The following DPYSL3 variants were observed in gnomAD, a reference collection of about 807,000 sequenced individuals.
The protein encoded by DPYSL3 is dihydropyrimidinase-related protein 3.
Under a neutral mutation model 66.1 loss-of-function variants are expected in DPYSL3, and 16 were observed. That is an observed-to-expected ratio of 0.24 (90% confidence interval 0.16 to 0.37). The LOEUF (loss-of-function observed/expected upper bound fraction) is 0.37, where lower values mean the gene tolerates loss of function less well. Among genes scored for constraint, DPYSL3 ranks in the 10% least tolerant of loss-of-function variants. The pLI is 1.00. For synonymous variants in DPYSL3, 338 were observed against 345.1 expected (o/e 0.98, Z 0.23); for missense variants, 738 against 916.2 (o/e 0.81, Z 2.51).
At chr5:147,415,084 TAAG>T (rs773524068) in intron 4 of DPYSL3, among the ~76,000 whole-genome samples, 1 of 152,122 alleles carries the variant, frequency 6.6e-6, no homozygotes, top group Non-Finnish European at 1.5e-5. Flanking sequence ...TGGAGGAATC[TAAG>T]AAGACAGTGG....
At chr5:147,425,547 C>T (rs1300972783) in intron 1 of DPYSL3, among the ~76,000 whole-genome samples, 2 of 152,168 alleles carry the variant, frequency 1.3e-5, no homozygotes, top group Non-Finnish European at 2.9e-5. Flanking sequence ...GGCAAAGTAT[C>T]TATAGTATTT....
rs188069794 is a variant in DPYSL3 at position 147,437,143 on chromosome 5, G to A, written c.382-12180C>T. ...CTTCGCCTTTCCAAGAGGCTGTGCC[G>A]TTAATGGTACCCAGCTCCCTCTTAA... On this transcript the variant is annotated intron_variant, in intron 1 of 13. Coordinates refer to ENST00000343218, the MANE Select transcript of DPYSL3 (RefSeq NM_001197294.2). Among the ~76,000 whole-genome samples the A allele has an allele frequency of 3.1e-3, 477 of 152,320 alleles. 2 individuals are homozygous for A. Among genetic ancestry groups the A allele is most frequent in the Non-Finnish European group, 4.6e-3 (315 of 68,030 alleles).
intron 1 of DPYSL3, among the ~76,000 whole-genome samples, chr5:147,433,019 T>C (rs1374516174): frequency 6.6e-6 from 1 of 152,148 alleles, no homozygotes; most frequent in African/African-American, 2.4e-5. Context: ...AAACGGAGAC[T>C]TTTTCCTTGA....
intron 1 of DPYSL3, among the ~76,000 whole-genome samples, chr5:147,447,555 G>A (rs923023554): frequency 3.1e-4 from 47 of 152,270 alleles, no homozygotes; most frequent in African/African-American, 1.0e-3. Flanking sequence ...AGTAACCAGG[G>A]AGCAGTTCGC....
intron 1 of DPYSL3, among the ~76,000 whole-genome samples, chr5:147,495,588 C>T (rs370240630): frequency 7.9e-5 from 12 of 151,984 alleles, no homozygotes; most frequent in African/African-American, 2.7e-4. Context: ...ATCACAAGCA[C>T]TCTTATACAC....
chr5:147,415,324 G>A (rs59676350), intron 4 of DPYSL3, among the ~76,000 whole-genome samples: 3,963 of 152,138 alleles, frequency 0.026, 170 homozygotes, highest in African/African-American at 0.09. Context: ...TAATCTCATA[G>A]GTCATACTAG....
intron 1 of DPYSL3, among the ~76,000 whole-genome samples, chr5:147,450,957 T>C (rs965377250): frequency 2.0e-5 from 3 of 152,200 alleles, no homozygotes; most frequent in Non-Finnish European, 4.4e-5. Context: ...GTATATGTTA[T>C]ACTTAGATCT....
At chr5:147,399,931 A>G (rs1051009664) in intron 10 of DPYSL3, among the ~76,000 whole-genome samples, 3 of 152,238 alleles carry the variant, frequency 2.0e-5, no homozygotes, top group African/African-American at 7.2e-5. Context: ...AAGCCTCTTT[A>G]CGGAAAGAAT....
intron 1 of DPYSL3, among the ~76,000 whole-genome samples, chr5:147,447,028 G>A (rs1259709793): frequency 1.3e-5 from 2 of 152,170 alleles, no homozygotes; most frequent in African/African-American, 4.8e-5. Flanking sequence ...TGCTTTTTCA[G>A]CTCTGTGACT....
intron 1 of DPYSL3, among the ~76,000 whole-genome samples, chr5:147,491,730 G>C (rs1753417851): frequency 6.6e-6 from 1 of 150,766 alleles, no homozygotes; most frequent in African/African-American, 2.4e-5. Context: ...AATAGAAACT[G>C]CCAAAACTGA....
At chr5:147,480,496 A>G (rs889354715) in intron 1 of DPYSL3, among the ~76,000 whole-genome samples, 1 of 152,128 alleles carries the variant, frequency 6.6e-6, no homozygotes, top group Admixed American at 6.5e-5. Context: ...GGTCTCTGTT[A>G]TGGTGGCTGA....
Position 147,505,581 on chromosome 5 carries a change from TCATTA to T in DPYSL3, c.381+3892_381+3896del, listed in dbSNP as rs577095252. 1.1e-4 allele frequency among the ~76,000 whole-genome samples: 17 copies of T among 152,372 alleles called. No homozygotes were observed. The South Asian group carries it at 3.5e-3, about 32-fold the overall frequency. ...CTGTAAACACTTCTGTTATTTAACCTCATTACAATTTATTAAATAAACTCATTTTG... is the reference window on the plus strand; with the variant it reads ...CTGTAAACACTTCTGTTATTTAACCTCAATTTATTAAATAAACTCATTTTG... On this transcript the variant is annotated intron_variant, in intron 1 of 13. Transcript: ENST00000343218.
chr5:147,487,642 T>C (rs1753356425), intron 1 of DPYSL3, among the ~76,000 whole-genome samples: 1 of 152,264 alleles, frequency 6.6e-6, no homozygotes. Context: ...CATTTACATG[T>C]TGTCTATGGC....
At chr5:147,493,065 C>A (rs1001760105) in intron 1 of DPYSL3, among the ~76,000 whole-genome samples, 2 of 152,096 alleles carry the variant, frequency 1.3e-5, no homozygotes, top group African/African-American at 4.8e-5. Flanking sequence ...CCAGAATAGA[C>A]CTCGGAGCAA....
At chr5:147,460,691 T>C (rs1752918503) in intron 1 of DPYSL3, among the ~76,000 whole-genome samples, 1 of 152,212 alleles carries the variant, frequency 6.6e-6, no homozygotes, top group Non-Finnish European at 1.5e-5. Context: ...GATGCAGCCA[T>C]GAGCCAAGGA....
intron 1 of DPYSL3, among the ~76,000 whole-genome samples, chr5:147,443,960 T>TC (rs1752582981): frequency 6.6e-6 from 1 of 151,942 alleles, no homozygotes; most frequent in African/African-American, 2.4e-5. Flanking sequence ...AAGGAGTCCA[T>TC]CCCCCTTGCA....
intron 4 of DPYSL3, among the ~76,000 whole-genome samples, chr5:147,415,363 C>G (rs1175966595): frequency 6.6e-6 from 1 of 152,070 alleles, no homozygotes; most frequent in East Asian, 1.9e-4. Context: ...GATTAGTTAG[C>G]CTCTCCTAAC....
At chr5:147,417,341 G>A (rs927128117) in intron 3 of DPYSL3, among the ~76,000 whole-genome samples, 1 of 152,162 alleles carries the variant, frequency 6.6e-6, no homozygotes, top group Admixed American at 6.5e-5. Flanking sequence ...AATGTCTGGG[G>A]CAACACCAGG....
intron 1 of DPYSL3, among the ~76,000 whole-genome samples, chr5:147,436,380 G>A (rs1023167482): frequency 6.6e-6 from 1 of 152,156 alleles, no homozygotes; most frequent in Non-Finnish European, 1.5e-5. Flanking sequence ...GGAGCAATAT[G>A]CAAAATATGA....
Sources: allele counts gnomAD v4.1 joint callset (sites outside exome capture counted in the v4.1 genomes callset), GRCh38; gene constraint gnomAD v4.1.1; transcripts MANE v1.5; gene names NCBI Gene and HGNC (gene_info 2026-07-23, HGNC 2026-07-21).